ANKFN1: variants seen among roughly 807,000 people sequenced by gnomAD.
The protein encoded by ANKFN1 is ankyrin repeat and fibronectin type III domain containing 1.
A neutral mutation model predicts 108.7 loss-of-function variants in ANKFN1; 74 were observed. That is an observed-to-expected ratio of 0.68 (90% CI 0.56 to 0.83). The LOEUF is 0.83. Ranked by LOEUF, ANKFN1 falls within the 40% of genes least tolerant of loss-of-function variation. ANKFN1 has a pLI of 0.00. For missense variants in ANKFN1, 1,505 were observed against 1,382.3 expected (o/e 1.09, Z -1.41); for synonymous variants, 547 against 516.2 (o/e 1.06, Z -0.81).
chr17:56,390,447 T>C (rs2047395587), intron 8 of ANKFN1, among the ~76,000 whole-genome samples: 1 of 152,216 alleles, frequency 6.6e-6, no homozygotes, highest in East Asian at 1.9e-4. Flanking sequence ...CATTCTATCA[T>C]TGATGGGCAT....
chr17:56,132,008 C>A (rs186530991), intron 4 of ANKFN1, among the ~76,000 whole-genome samples: 107 of 152,302 alleles, frequency 7.0e-4, no homozygotes, highest in African/African-American at 2.5e-3. Context: ...AACTTGTAAT[C>A]ATGAATTCCT....
intron 4 of ANKFN1, among the ~76,000 whole-genome samples, chr17:56,069,227 G>C (rs1905094318): frequency 1.3e-5 from 2 of 152,142 alleles, no homozygotes; most frequent in Admixed American, 1.3e-4. Context: ...CTTTTTCCTG[G>C]CCTGTTTAAT....
chr17:56,194,076 A>T (rs1219557712), intron 1 of ANKFN1, among the ~76,000 whole-genome samples: 1 of 152,198 alleles, frequency 6.6e-6, no homozygotes, highest in Non-Finnish European at 1.5e-5. Context: ...ATGATATACC[A>T]CTGTACACCT....
At chr17:56,313,189 TA>T (rs999550227) in intron 3 of ANKFN1, among the ~76,000 whole-genome samples, 8 of 148,158 alleles carry the variant, frequency 5.4e-5, no homozygotes, top group Non-Finnish European at 1.2e-4. Flanking sequence ...GGTGCTGAAA[TA>T]AAGATTAATG....
At chr17:56,328,695 A>G (rs2045585585) in intron 4 of ANKFN1, among the ~76,000 whole-genome samples, 1 of 152,074 alleles carries the variant, frequency 6.6e-6, no homozygotes, top group South Asian at 2.1e-4. Context: ...AATTTCCTAT[A>G]GGCTTTTGAG....
At chr17:56,333,481 A>C (rs1159788061) in intron 4 of ANKFN1, among the ~76,000 whole-genome samples, 1 of 152,144 alleles carries the variant, frequency 6.6e-6, no homozygotes, top group East Asian at 1.9e-4. Context: ...ATTAATGGGT[A>C]GATAAATGTT....
intron 4 of ANKFN1, among the ~76,000 whole-genome samples, chr17:56,055,994 TG>T (rs1904870131): frequency 6.6e-6 from 1 of 152,064 alleles, no homozygotes; most frequent in South Asian, 2.1e-4. Flanking sequence ...AATTTTTTCA[TG>T]TTTTTTTTTC....
chr17:56,458,130 C>CTCAA, intron 14 of ANKFN1, 151 bp downstream of exon 14: 1 of 650,900 alleles, frequency 1.5e-6, no homozygotes, highest in Non-Finnish European at 2.6e-6. Context: ...GCTGGAGCTG[C>CTCAA]GTACCTGTAG....
chr17:56,214,442 G>T (rs910968658), intron 2 of ANKFN1, among the ~76,000 whole-genome samples: 3 of 152,186 alleles, frequency 2.0e-5, no homozygotes, highest in African/African-American at 7.2e-5. Flanking sequence ...CCAGGAGTGT[G>T]GCCTGAGATA....
rs184904430 is a variant in ANKFN1, at chr17:56,497,617, T to A, written c.2428-1265T>A. ...GAAAATAAAATATAACACTGGGTAG[T>A]GTTTTAGTTTTAAAACTTCCACAAT... On this transcript the variant is annotated intron_variant, in intron 19 of 20. Transcript: ENST00000682825. 2.5e-3 allele frequency among the ~76,000 whole-genome samples: 386 copies of A among 152,302 alleles called. 5 individuals are homozygous for A. Among genetic ancestry groups the A allele is most frequent in the Non-Finnish European group, 2.4e-4 (16 of 68,014 alleles).
intron 4 of ANKFN1, among the ~76,000 whole-genome samples, chr17:56,076,814 A>G (rs1347887380): frequency 6.6e-6 from 1 of 151,918 alleles, no homozygotes; most frequent in East Asian, 1.9e-4. Context: ...GAAAGACAAG[A>G]AAAAAAACTA....
chr17:56,099,130 C>A (rs1319327041), intron 4 of ANKFN1, among the ~76,000 whole-genome samples: 1 of 152,048 alleles, frequency 6.6e-6, no homozygotes, highest in African/African-American at 2.4e-5. Flanking sequence ...AATTTTCTAC[C>A]CCAGGAGGCT....
At chr17:56,416,521 G>T (rs1427445145) in intron 8 of ANKFN1, among the ~76,000 whole-genome samples, 1 of 152,156 alleles carries the variant, frequency 6.6e-6, no homozygotes, top group Non-Finnish European at 1.5e-5. Flanking sequence ...TCTCACCCCA[G>T]TTAAAATGGC....
intron 20 of ANKFN1, among the ~76,000 whole-genome samples, chr17:56,503,427 A>G (rs1332152861): frequency 6.8e-6 from 1 of 146,620 alleles, no homozygotes; most frequent in Non-Finnish European, 1.5e-5. Context: ...GTCTTCATTT[A>G]TAAATTATTT....
At chr17:56,250,243 A>T (rs2043204314) in intron 3 of ANKFN1, among the ~76,000 whole-genome samples, 1 of 152,042 alleles carries the variant, frequency 6.6e-6, no homozygotes, top group Non-Finnish European at 1.5e-5. Context: ...CATTCCATGG[A>T]CCCTCCTCTC....
intron 3 of ANKFN1, 128 bp downstream of exon 3, chr17:56,228,085 T>C: frequency 1.4e-6 from 1 of 709,440 alleles, no homozygotes; most frequent in South Asian, 2.0e-5. Flanking sequence ...ACAGCCAATC[T>C]AACATTTCAT....
intron 1 of ANKFN1, among the ~76,000 whole-genome samples, chr17:56,189,560 G>A (rs1474631885): frequency 6.6e-6 from 1 of 152,218 alleles, no homozygotes; most frequent in Non-Finnish European, 1.5e-5. Context: ...TTGGTCAGAA[G>A]TGCAGGTGAT....
intron 20 of ANKFN1, among the ~76,000 whole-genome samples, chr17:56,506,097 T>C (rs911477977): frequency 6.6e-6 from 1 of 152,168 alleles, no homozygotes; most frequent in African/African-American, 2.4e-5. Flanking sequence ...AGTTCTAGGG[T>C]ACATGTGCAC....
chr17:56,069,794 A>G (rs1279139657), intron 4 of ANKFN1, among the ~76,000 whole-genome samples: 2 of 152,214 alleles, frequency 1.3e-5, no homozygotes, highest in African/African-American at 4.8e-5. Context: ...GTTTATTAGG[A>G]AAGTAAAGGA....
Sources: gnomAD v4.1 joint callset for allele counts (sites outside exome capture counted in the v4.1 genomes callset) on GRCh38, gnomAD v4.1.1 for gene constraint, MANE v1.5 for transcripts, NCBI Gene and HGNC (gene_info 2026-07-23, HGNC 2026-07-21) for gene names.